Variants in ANK3 observed in about 807,000 individuals in gnomAD.
ANK3 encodes the protein ankyrin-3.
A neutral mutation model predicts 370.9 loss-of-function variants in ANK3; 57 were observed. That is an observed-to-expected ratio of 0.15 (90% CI 0.12 to 0.19). The LOEUF (loss-of-function observed/expected upper bound fraction) is 0.19. Ranked by LOEUF, ANK3 falls within the 10% of genes least tolerant of loss-of-function variation. The probability of loss-of-function intolerance (pLI) is 1.00; values close to 1 mark genes in which losing one functional copy is unlikely to be tolerated. For synonymous variants in ANK3, 1,929 were observed against 1,946.3 expected, an observed-to-expected ratio of 0.99 and a Z score of 0.23; for missense variants, 4,439 against 5,302.1, an observed-to-expected ratio of 0.84 and a Z score of 5.06.
chr10:60,149,910 T>C (rs1051298635), intron 23 of ANK3, among the ~76,000 whole-genome samples: 2 of 152,216 alleles, frequency 1.3e-5, no homozygotes, highest in Admixed American at 6.5e-5. Flanking sequence ...GGTTTCGCCA[T>C]GTTGGCCAGG....
At chr10:60,606,414 C>A (rs1028892024) in intron 2 of ANK3, among the ~76,000 whole-genome samples, 2 of 151,944 alleles carry the variant, frequency 1.3e-5, no homozygotes, top group Non-Finnish European at 2.9e-5. Context: ...AGAGAAAAGT[C>A]TTCCCTCATT....
intron 2 of ANK3, among the ~76,000 whole-genome samples, chr10:60,505,634 C>T (rs182418804): frequency 6.6e-6 from 1 of 152,142 alleles, no homozygotes; most frequent in African/African-American, 2.4e-5. Context: ...ATTCCTTATG[C>T]TACAAAATCC....
chr10:60,503,395 T>C (rs367619815), intron 2 of ANK3, among the ~76,000 whole-genome samples: 3 of 152,218 alleles, frequency 2.0e-5, no homozygotes, highest in Non-Finnish European at 4.4e-5. Flanking sequence ...GCACTTTATA[T>C]GGATTGTCTC....
At chr10:60,721,821 C>T (rs1430427256) in intron 1 of ANK3, among the ~76,000 whole-genome samples, 1 of 152,128 alleles carries the variant, frequency 6.6e-6, no homozygotes, top group East Asian at 1.9e-4. Flanking sequence ...GGAGGTTCTG[C>T]AAAATAGCAT....
At chr10:60,395,121 T>A (rs1007370334) in intron 2 of ANK3, among the ~76,000 whole-genome samples, 4 of 152,220 alleles carry the variant, frequency 2.6e-5, no homozygotes, top group African/African-American at 9.6e-5. Context: ...ACAATTTGGA[T>A]ATGCAAATCT....
At chr10:60,054,970 A>G (rs1252387384) in intron 42 of ANK3, among the ~76,000 whole-genome samples, 4 of 152,238 alleles carry the variant, frequency 2.6e-5, no homozygotes, top group Non-Finnish European at 5.9e-5. Context: ...AACCTCAAAG[A>G]AAAAAATCTA....
At position 60,289,463 on chromosome 10, in the gene ANK3, G is replaced by A. The variant is rs12268924; in HGVS notation, c.115-9824C>T. On this transcript the variant is annotated intron_variant, in intron 1 of 43. Transcript: ENST00000280772. Reference sequence around the variant, plus strand: ...GTCTCACTCTCGCACCCAGGCTGGAGTGCAGTGGCATTATCATGGCTCGCT... The same window carrying A: ...GTCTCACTCTCGCACCCAGGCTGGAATGCAGTGGCATTATCATGGCTCGCT... Among the ~76,000 whole-genome samples the A allele has an allele frequency of 5.1e-3, 782 of 151,886 alleles. 5 individuals carry two copies. Among genetic ancestry groups the A allele is most frequent in the African/African-American group, 0.017 (722 of 41,404 alleles).
intron 2 of ANK3, among the ~76,000 whole-genome samples, chr10:60,583,430 G>T (rs1016613918): frequency 6.6e-6 from 1 of 151,948 alleles, no homozygotes; most frequent in South Asian, 2.1e-4. Context: ...AATAAGTTCT[G>T]GTGGTTTATT....
chr10:60,573,664 A>C (rs1022300020), intron 2 of ANK3, among the ~76,000 whole-genome samples: 2 of 152,184 alleles, frequency 1.3e-5, no homozygotes, highest in African/African-American at 4.8e-5. Flanking sequence ...CAGCCAAATT[A>C]CTATTATGAG....
At chr10:60,607,414 A>AT (rs1367562771) in intron 2 of ANK3, among the ~76,000 whole-genome samples, 2 of 152,130 alleles carry the variant, frequency 1.3e-5, no homozygotes, top group Non-Finnish European at 2.9e-5. Flanking sequence ...CCTTTCTAAT[A>AT]TAAAAAAAAA....
intron 23 of ANK3, among the ~76,000 whole-genome samples, chr10:60,150,844 T>G (rs150521768): frequency 2.9e-4 from 44 of 152,162 alleles, no homozygotes; most frequent in African/African-American, 1.0e-3. Context: ...CAAATAAACC[T>G]CATATATATA....
chr10:60,704,460 C>CA (rs1332181045), intron 1 of ANK3, among the ~76,000 whole-genome samples: 4 of 150,702 alleles, frequency 2.7e-5, no homozygotes, highest in Non-Finnish European at 4.4e-5. Context: ...TGTAATTACA[C>CA]AAAAAAACAA....
At chr10:60,424,996 A>C (rs920040624) in intron 2 of ANK3, among the ~76,000 whole-genome samples, 1 of 152,080 alleles carries the variant, frequency 6.6e-6, no homozygotes, top group Non-Finnish European at 1.5e-5. Flanking sequence ...CAGGGCAGAA[A>C]TGCACAGAAA....
At chr10:60,618,010 T>G (rs1328903654) in intron 1 of ANK3, among the ~76,000 whole-genome samples, 1 of 152,200 alleles carries the variant, frequency 6.6e-6, no homozygotes, top group Admixed American at 6.6e-5. Flanking sequence ...ACAGGTAGTC[T>G]TTATAACATT....
rs138458427 is a variant in ANK3, at chr10:60,349,440, G to T, written c.114+39985C>A. 3.6e-3 allele frequency among the ~76,000 whole-genome samples: 550 copies of T among 152,240 alleles called. 4 individuals carry two copies. Among genetic ancestry groups the T allele is most frequent in the East Asian group, 1.3e-3 (7 of 5,186 alleles). ...AGCAAAGATTAGTTAAGGATAATCG[G>T]TTGATGCTAAGGAAGATAACTGCTT... is the stretch of plus-strand genomic sequence containing the variant. On this transcript the variant is annotated intron_variant, in intron 1 of 43. Coordinates refer to ENST00000280772, the MANE Select transcript of ANK3 (RefSeq NM_020987.5).
chr10:60,299,982 A>AT (rs1455753231), intron 1 of ANK3, among the ~76,000 whole-genome samples: 1 of 152,208 alleles, frequency 6.6e-6, no homozygotes, highest in East Asian at 1.9e-4. Flanking sequence ...GTGCAACCAT[A>AT]TAAACCTTTT....
chr10:60,648,238 C>T (rs190452443), intron 1 of ANK3, among the ~76,000 whole-genome samples: 4,855 of 144,240 alleles, frequency 0.034, 120 homozygotes, highest in South Asian at 0.067. Context: ...CTGCAAGCTC[C>T]ACCTCCCAGG....
intron 2 of ANK3, among the ~76,000 whole-genome samples, chr10:60,398,850 C>A (rs949925024): frequency 6.6e-6 from 1 of 152,158 alleles, no homozygotes; most frequent in African/African-American, 2.4e-5. Flanking sequence ...AAACACAATG[C>A]CCTGTATGCA....
At chr10:60,419,904 T>C (rs2063744170) in intron 2 of ANK3, among the ~76,000 whole-genome samples, 2 of 152,144 alleles carry the variant, frequency 1.3e-5, no homozygotes, top group Non-Finnish European at 2.9e-5. Flanking sequence ...TCTCTACATA[T>C]CTTAGAGTAT....
Sources: allele counts gnomAD v4.1 joint callset (sites outside exome capture counted in the v4.1 genomes callset), GRCh38; gene constraint gnomAD v4.1.1; transcripts MANE v1.5; gene names NCBI Gene and HGNC (gene_info 2026-07-23, HGNC 2026-07-21).